The following PMM2 variants were observed in gnomAD, a reference collection of about 807,000 sequenced individuals.
PMM2 encodes the protein mannose-6-phosphate isomerase.
A neutral mutation model predicts 33.2 loss-of-function variants in PMM2; 35 were observed. That is an observed-to-expected ratio of 1.06 (90% CI 0.81 to 1.40). PMM2 has a LOEUF of 1.40. PMM2 is among the 40% of genes most tolerant of loss of function. The probability of loss-of-function intolerance (pLI) is 0.00; values close to 1 mark genes in which losing one functional copy is unlikely to be tolerated. For synonymous variants in PMM2, 153 were observed against 114.7 expected (o/e 1.33, Z -2.13); for missense variants, 386 against 306.0 (o/e 1.26, Z -1.95).
At chr16:8,835,428 C>T (rs1371103238) in intron 7 of PMM2, among the ~76,000 whole-genome samples, 1 of 151,900 alleles carries the variant, frequency 6.6e-6, no homozygotes, top group Non-Finnish European at 1.5e-5. Flanking sequence ...ATTTGCTGAG[C>T]CTGATGGGTG....
At chr16:8,811,770 G>A in intron 6 of PMM2, 57 bp downstream of exon 6, 1 of 1,142,326 alleles carries the variant, frequency 8.8e-7, no homozygotes. Flanking sequence ...AGAGTTTGTT[G>A]TGGGCCAGTG....
intron 5 of PMM2, 67 bp from the exon 6 acceptor site, chr16:8,811,571 A>G: frequency 1.1e-5 from 10 of 941,702 alleles, no homozygotes; most frequent in South Asian, 2.6e-5. Context: ...CTTTGTGGCC[A>G]GTAGTTAAAA....
chr16:8,805,590 TTTTTTTTC>T (rs1410288674), intron 3 of PMM2, among the ~76,000 whole-genome samples: 2 of 151,912 alleles, frequency 1.3e-5, no homozygotes, highest in African/African-American at 4.8e-5. Context: ...ATAAGCATTT[TTTTTTTTC>T]TTTTTTCTTT....
intron 1 of PMM2, 98 bp from the exon 2 acceptor site, chr16:8,801,701 A>G: frequency 1.3e-6 from 1 of 763,110 alleles, no homozygotes; most frequent in South Asian, 1.7e-5. Context: ...ATTTTTAAAT[A>G]AGAAAATAAG....
intron 4 of PMM2, chr16:8,809,444 G>C (rs12051130): frequency 6.6e-6 from 1 of 152,140 alleles, no homozygotes; most frequent in East Asian, 1.9e-4. Context: ...TTGGTTGTGG[G>C]GTTTTTGTTT....
intron 7 of PMM2, among the ~76,000 whole-genome samples, chr16:8,825,966 G>T (rs921974373): frequency 2.6e-5 from 4 of 152,088 alleles, no homozygotes; most frequent in Non-Finnish European, 5.9e-5. Flanking sequence ...ATATGGGCCA[G>T]GCTGGTTTCG....
At chr16:8,835,306 G>A (rs989262902) in intron 7 of PMM2, among the ~76,000 whole-genome samples, 25 of 151,924 alleles carry the variant, frequency 1.6e-4, no homozygotes, top group African/African-American at 5.6e-4. Flanking sequence ...GGGAGAGCAC[G>A]TGTGTTTTTA....
At chr16:8,816,556 A>G (rs1224544243) in intron 7 of PMM2, among the ~76,000 whole-genome samples, 1 of 149,496 alleles carries the variant, frequency 6.7e-6, no homozygotes, top group Non-Finnish European at 1.5e-5. Flanking sequence ...AGCCTGACCA[A>G]CATGGAGAAA....
At chr16:8,815,469 G>A (rs1177975072) in intron 7 of PMM2, among the ~76,000 whole-genome samples, 1 of 152,208 alleles carries the variant, frequency 6.6e-6, no homozygotes, top group Non-Finnish European at 1.5e-5. Flanking sequence ...GGCCTCAAGA[G>A]ATTCACCTGC....
chr16:8,842,812 T>C (rs1300572345), intron 7 of PMM2, among the ~76,000 whole-genome samples: 12 of 152,166 alleles, frequency 7.9e-5, no homozygotes, highest in East Asian at 5.8e-4. Context: ...TTAATCCTTT[T>C]AAAGCGTGCT....
intron 7 of PMM2, among the ~76,000 whole-genome samples, chr16:8,843,740 AT>A (rs1298343291): frequency 6.6e-6 from 1 of 152,162 alleles, no homozygotes; most frequent in Admixed American, 6.5e-5. Context: ...CCAGATTCTA[AT>A]TTTTGGAGTT....
chr16:8,832,827 A>G, intron 7 of PMM2: 1 of 985,096 alleles, frequency 1.0e-6, no homozygotes, highest in Non-Finnish European at 1.2e-6. Context: ...CTCCCTCTTC[A>G]GCGTCTTCTC....
At chr16:8,844,222 G>A (rs2060908852) in intron 7 of PMM2, among the ~76,000 whole-genome samples, 1 of 152,126 alleles carries the variant, frequency 6.6e-6, no homozygotes, top group South Asian at 2.1e-4. Flanking sequence ...AGTTGAAGAG[G>A]TTTTAAGTTC....
rs9939787 is a variant in PMM2 at position 8,798,157 on chromosome 16, C to T, written c.66+209C>T. 0.17 allele frequency among the ~76,000 whole-genome samples: 26,282 copies of T among 152,160 alleles called. 2,254 individuals are homozygous for T. Among genetic ancestry groups the T allele is most frequent in the East Asian group, 0.21 (1,106 of 5,160 alleles). On this transcript the variant is annotated intron_variant, in intron 1 of 7. Transcript: ENST00000268261. ...AGCTCTGGTGCTTGGAAAGATGAGACGGGGCTGAAGAACTCTTAAGAGCAG... is the reference window on the plus strand; with the variant it reads ...AGCTCTGGTGCTTGGAAAGATGAGATGGGGCTGAAGAACTCTTAAGAGCAG...
chr16:8,813,065 G>T lies in PMM2; in HGVS notation c.598G>T (p.Gly200Cys). 1 of 1,612,152 alleles carries T rather than the reference G, an allele frequency of 6.2e-7. No homozygotes were observed. Among genetic ancestry groups the T allele is most frequent in the Non-Finnish European group, 8.5e-7 (1 of 1,178,136 alleles). The change falls in exon 7 of 8, where the codon GGT becomes TGT. Residue 200 changes from glycine to cysteine, a missense_variant. Coordinates refer to ENST00000268261, the MANE Select transcript of PMM2 (RefSeq NM_000303.3). ...RYCLRHVEND[G>C]YKTIYFFGDK... ...CTGTCTGCGACATGTGGAAAATGAC[G>T]GTTATAAGACCATTTATTTCTTTGG...
chr16:8,842,664 CAATT>C (rs1459816520), intron 7 of PMM2, among the ~76,000 whole-genome samples: 1 of 152,186 alleles, frequency 6.6e-6, no homozygotes, highest in African/African-American at 2.4e-5. Flanking sequence ...ATAGGCAAAA[CAATT>C]TGGTTGATAA....
At chr16:8,801,416 A>T (rs2060615652) in intron 1 of PMM2, among the ~76,000 whole-genome samples, 1 of 152,210 alleles carries the variant, frequency 6.6e-6, no homozygotes, top group Admixed American at 6.5e-5. Flanking sequence ...TATACCTGTA[A>T]TCTCAGCACT....
At chr16:8,841,319 A>T (rs1404347397) in intron 7 of PMM2, among the ~76,000 whole-genome samples, 1 of 151,296 alleles carries the variant, frequency 6.6e-6, no homozygotes, top group Non-Finnish European at 1.5e-5. Flanking sequence ...AAGGGAAGAA[A>T]TGACTGCGGT....
rs376412367 is a variant in PMM2, at chr16:8,813,064, C to T, written c.597C>T (p.Asp199=). Residue 199 remains aspartate (D), a synonymous_variant, in exon 7 of 8, where the codon GAC becomes GAT. Transcript: ENST00000268261. ...KRYCLRHVEN[D]GYKTIYFFGD... ...ACTGTCTGCGACATGTGGAAAATGA[C>T]GGTTATAAGACCATTTATTTCTTTG... 43 of 1,611,810 alleles carry T rather than the reference C, an allele frequency of 2.7e-5. No homozygotes were observed. The highest frequency in any genetic ancestry group is 5.0e-5 in the Admixed American group (3 of 60,006).
Sources: allele counts gnomAD v4.1 joint callset (sites outside exome capture counted in the v4.1 genomes callset), GRCh38; gene constraint gnomAD v4.1.1; transcripts MANE v1.5; gene names NCBI Gene and HGNC (gene_info 2026-07-23, HGNC 2026-07-21).